Variants in TMEM266 observed in about 807,000 individuals in gnomAD.
TMEM266 encodes the protein transmembrane protein 266.
TMEM266 carries 33 observed loss-of-function variants against 50.5 expected under a neutral mutation model. That is an observed-to-expected ratio of 0.65 (90% CI 0.50 to 0.87). The LOEUF (loss-of-function observed/expected upper bound fraction) is 0.87. Among genes scored for constraint, TMEM266 ranks in the 40% least tolerant of loss-of-function variants. TMEM266 has a pLI of 0.00. For missense variants in TMEM266, 655 were observed against 695.1 expected (o/e 0.94, Z 0.65); for synonymous variants, 310 against 292.3 (o/e 1.06, Z -0.62).
At chr15:76,201,532 C>T (rs1337111395) in intron 9 of TMEM266, among the ~76,000 whole-genome samples, 1 of 152,196 alleles carries the variant, frequency 6.6e-6, no homozygotes, top group Non-Finnish European at 1.5e-5. Context: ...TGTGCATCAT[C>T]ACGCCCAGCT....
At chr15:76,186,740 C>G (rs1430009311) in intron 8 of TMEM266, among the ~76,000 whole-genome samples, 1 of 152,220 alleles carries the variant, frequency 6.6e-6, no homozygotes, top group African/African-American at 2.4e-5. Context: ...AATCTGTTCT[C>G]CATTCTGCGG....
intron 4 of TMEM266, 87 bp downstream of exon 4, chr15:76,156,845 A>C (rs2037935403): frequency 4.3e-6 from 6 of 1,394,182 alleles, no homozygotes; most frequent in Non-Finnish European, 4.9e-6. Context: ...CCCAACCTGC[A>C]GGCTGTGATC....
intron 10 of TMEM266, 105 bp downstream of exon 10, chr15:76,202,369 G>GCAGTTA: frequency 2.0e-6 from 2 of 1,021,910 alleles, no homozygotes; most frequent in Non-Finnish European, 2.9e-6. Flanking sequence ...CCTGGTGCCT[G>GCAGTTA]TGAACCATAA....
At position 76,175,561 on chromosome 15, in the gene TMEM266, T is replaced by C; in HGVS notation, c.655T>C (p.Tyr219His). The change falls in exon 8 of 11, where the codon TAC becomes CAC. Residue 219 changes from tyrosine to histidine, a missense_variant and splice_region_variant. Coordinates refer to ENST00000388942, the MANE Select transcript of TMEM266 (RefSeq NM_152335.3). ...ACAGGGCTGTCTCTGTCTTCCAGCC[T>C]ACGTCCTGCCAGTGAAGCTGGAGAT... 6.2e-7 allele frequency: 1 copy of C among 1,613,480 alleles called. No homozygotes were observed. The highest frequency in any genetic ancestry group is 8.5e-7 in the Non-Finnish European group (1 of 1,179,532).
intron 1 of TMEM266, among the ~76,000 whole-genome samples, chr15:76,098,795 G>T (rs2036956898): frequency 1.3e-5 from 2 of 152,252 alleles, no homozygotes; most frequent in Admixed American, 6.5e-5. Flanking sequence ...AGAGAAATCT[G>T]GTAGTCTGGC....
At chr15:76,180,607 C>CAT (rs772297807) in intron 8 of TMEM266, among the ~76,000 whole-genome samples, 2 of 63,170 alleles carry the variant, frequency 3.2e-5, no homozygotes, top group Admixed American at 2.8e-4. Context: ...TCATCTTAAG[C>CAT]TTTTTTTTTT....
At chr15:76,080,545 T>A (rs1454334171) in intron 1 of TMEM266, among the ~76,000 whole-genome samples, 5 of 150,408 alleles carry the variant, frequency 3.3e-5, no homozygotes, top group East Asian at 2.1e-4. Context: ...CACCGTGCCC[T>A]GCCAAAGGCA....
At chr15:76,187,389 A>G (rs572831372) in intron 8 of TMEM266, among the ~76,000 whole-genome samples, 1 of 152,298 alleles carries the variant, frequency 6.6e-6, no homozygotes, top group African/African-American at 2.4e-5. Context: ...GCAGGCCTCG[A>G]TGAGTGGCCT....
chr15:76,140,500 T>G (rs1348149170), intron 3 of TMEM266, among the ~76,000 whole-genome samples: 2 of 152,212 alleles, frequency 1.3e-5, no homozygotes, highest in African/African-American at 4.8e-5. Context: ...GCCAGTGTTA[T>G]GTATAGGAAT....
chr15:76,084,267 T>C (rs11072571), intron 1 of TMEM266, among the ~76,000 whole-genome samples: 3 of 151,876 alleles, frequency 2.0e-5, no homozygotes, highest in Non-Finnish European at 2.9e-5. Flanking sequence ...TGAGCTGAGA[T>C]TGCACCACTG....
chr15:76,096,495 T>C (rs946005230), intron 1 of TMEM266, among the ~76,000 whole-genome samples: 13 of 152,096 alleles, frequency 8.5e-5, no homozygotes, highest in African/African-American at 3.1e-4. Flanking sequence ...TTCTGTTCTT[T>C]TGCATTTGCT....
chr15:76,160,283 GGCT>G lies in TMEM266; in HGVS notation c.456+120_456+122del. The G allele has an allele frequency of 9.3e-7, 1 of 1,074,770 alleles. No homozygotes were observed. The highest frequency in any genetic ancestry group is 1.4e-5 in the South Asian group (1 of 72,394). 66.6% of individuals were successfully genotyped at this position (1,074,770 alleles called of 1,614,324 possible). On this transcript the variant is annotated intron_variant, in intron 5 of 10. Coordinates refer to ENST00000388942, the MANE Select transcript of TMEM266 (RefSeq NM_152335.3). The surrounding 1 kb of genome is among the most constrained non-coding windows in gnomAD (Gnocchi z 5.7). ...CATCAGGTCCCCTGCTAGCCCTTGAGGCTGCTGGGAGGGAGACACAATATAGAT... is the reference window on the plus strand; with the variant it reads ...CATCAGGTCCCCTGCTAGCCCTTGAGGCTGGGAGGGAGACACAATATAGAT...
At chr15:76,088,722 G>A (rs923204641) in intron 1 of TMEM266, among the ~76,000 whole-genome samples, 8 of 151,840 alleles carry the variant, frequency 5.3e-5, no homozygotes, top group Admixed American at 2.0e-4. Flanking sequence ...GCATGAACCC[G>A]GGAGGCGGAG....
chr15:76,107,915 T>A (rs1315282321), intron 1 of TMEM266, among the ~76,000 whole-genome samples: 1 of 152,218 alleles, frequency 6.6e-6, no homozygotes, highest in East Asian at 1.9e-4. Flanking sequence ...TCTGAAGCTT[T>A]CTTTGCTTTG....
At chr15:76,060,263 C>G (rs1238969005) in intron 1 of TMEM266, among the ~76,000 whole-genome samples, 5 of 152,128 alleles carry the variant, frequency 3.3e-5, no homozygotes, top group Non-Finnish European at 7.4e-5. Flanking sequence ...TTTATTTTTG[C>G]AAACTGCCCT....
At chr15:76,127,128 G>A (rs1038496643) in intron 1 of TMEM266, among the ~76,000 whole-genome samples, 3 of 151,960 alleles carry the variant, frequency 2.0e-5, no homozygotes, top group African/African-American at 4.8e-5. Flanking sequence ...AAACAAAAAA[G>A]GTAATTATAT....
At chr15:76,158,203 A>AC (rs1247707687) in intron 4 of TMEM266, among the ~76,000 whole-genome samples, 1 of 152,176 alleles carries the variant, frequency 6.6e-6, no homozygotes, top group African/African-American at 2.4e-5. Flanking sequence ...CCTCCAAGTC[A>AC]CATGAGCCTT....
Position 76,139,655 on chromosome 15 carries a change from G to A in TMEM266, c.227+1760G>A, listed in dbSNP as rs756710201. 6.6e-6 allele frequency among the ~76,000 whole-genome samples: 1 copy of A among 152,238 alleles called. No individual in the cohort carries two copies. Among genetic ancestry groups the A allele is most frequent in the Non-Finnish European group, 1.5e-5 (1 of 68,046 alleles). On this transcript the variant is annotated intron_variant, in intron 3 of 10. Coordinates refer to ENST00000388942, the MANE Select transcript of TMEM266 (RefSeq NM_152335.3). The surrounding 1 kb of genome is among the most constrained non-coding windows in gnomAD (Gnocchi z 4.1). ...TTCTCTGAGCACCCAGCAAGTCACT[G>A]CGTCACTGCTCTCTGGTGGTCAAAA...
chr15:76,168,183 C>T lies in TMEM266; in HGVS notation c.457-1633C>T, dbSNP rs1225023534. Among the ~76,000 whole-genome samples, 1 of 152,072 alleles carries T rather than the reference C, an allele frequency of 6.6e-6. No homozygotes were observed. The highest frequency in any genetic ancestry group is 1.5e-5 in the Non-Finnish European group (1 of 68,012). ...CTCTCCCCACCCCTGCAAGCTGTCT[C>T]GCAGTTAAGCGTGGGGCCACCCACC... On this transcript the variant is annotated intron_variant, in intron 5 of 10. Coordinates refer to ENST00000388942, the MANE Select transcript of TMEM266 (RefSeq NM_152335.3). The surrounding 1 kb of genome is among the most constrained non-coding windows in gnomAD (Gnocchi z 4.4).
Sources: gnomAD v4.1 joint callset for allele counts (sites outside exome capture counted in the v4.1 genomes callset) on GRCh38, gnomAD v4.1.1 for gene constraint, Gnocchi (gnomAD v3.1) non-coding constraint, MANE v1.5 for transcripts, NCBI Gene and HGNC (gene_info 2026-07-23, HGNC 2026-07-21) for gene names.